The following SLIT2 variants were observed in gnomAD, a reference collection of about 807,000 sequenced individuals.
SLIT2 encodes slit homolog 2 protein.
A neutral mutation model predicts 185.7 loss-of-function variants in SLIT2; 41 were observed. That is an observed-to-expected ratio of 0.22 (90% CI 0.17 to 0.29). The LOEUF (loss-of-function observed/expected upper bound fraction) is 0.29, where lower values mean the gene tolerates loss of function less well. SLIT2 is among the 10% of genes least tolerant of loss of function. The pLI is 1.00. For missense variants in SLIT2, 1,571 were observed against 1,909.0 expected (o/e 0.82, Z 3.30); for synonymous variants, 693 against 680.2 (o/e 1.02, Z -0.29).
At chr4:20,260,927 C>T (rs954885627) in intron 3 of SLIT2, among the ~76,000 whole-genome samples, 1 of 130,066 alleles carries the variant, frequency 7.7e-6, no homozygotes, top group Non-Finnish European at 1.5e-5. Context: ...TCTTCCTTAC[C>T]TCTCTAACTA....
At chr4:20,382,734 A>G (rs954216764) in intron 4 of SLIT2, among the ~76,000 whole-genome samples, 6 of 152,292 alleles carry the variant, frequency 3.9e-5, no homozygotes, top group Admixed American at 6.5e-5. Flanking sequence ...CAAGTGATCT[A>G]TTGATTCAAT....
At chr4:20,264,342 T>C (rs1311944188) in intron 3 of SLIT2, among the ~76,000 whole-genome samples, 1 of 151,786 alleles carries the variant, frequency 6.6e-6, no homozygotes, top group African/African-American at 2.4e-5. Flanking sequence ...AGGTTAGAAA[T>C]GGTAGGCTTT....
chr4:20,310,348 A>G (rs17608777), intron 4 of SLIT2, among the ~76,000 whole-genome samples: 28,636 of 152,154 alleles, frequency 0.19, 3,402 homozygotes, highest in Middle Eastern at 0.31. Context: ...AAAAACAATT[A>G]TCTTTCTCTA....
intron 26 of SLIT2, among the ~76,000 whole-genome samples, chr4:20,560,653 C>T (rs1724619135): frequency 6.6e-6 from 1 of 151,854 alleles, no homozygotes; most frequent in Non-Finnish European, 1.5e-5. Flanking sequence ...CCCTTTATTT[C>T]TCTTGGTTCA....
chr4:20,419,020 C>T (rs1443229157), intron 4 of SLIT2, among the ~76,000 whole-genome samples: 1 of 152,168 alleles, frequency 6.6e-6, no homozygotes, highest in Non-Finnish European at 1.5e-5. Flanking sequence ...ACCATTTTCT[C>T]TATTTTCATA....
intron 4 of SLIT2, among the ~76,000 whole-genome samples, chr4:20,270,177 C>G (rs1451932769): frequency 6.6e-6 from 1 of 151,864 alleles, no homozygotes; most frequent in Admixed American, 6.6e-5. Flanking sequence ...TATAGGTATG[C>G]ATATCAGTAG....
At chr4:20,288,531 A>T (rs1039975957) in intron 4 of SLIT2, among the ~76,000 whole-genome samples, 5 of 152,216 alleles carry the variant, frequency 3.3e-5, no homozygotes, top group African/African-American at 1.2e-4. Context: ...TTTTTCTAGT[A>T]AATCAGCTTA....
chr4:20,270,029 T>G (rs549427617), intron 4 of SLIT2, among the ~76,000 whole-genome samples: 1 of 152,000 alleles, frequency 6.6e-6, no homozygotes, highest in Non-Finnish European at 1.5e-5. Context: ...TTCTTTTTTG[T>G]GTTCCCTGCT....
chr4:20,496,158 G>A (rs1319902884), intron 9 of SLIT2, among the ~76,000 whole-genome samples: 1 of 152,104 alleles, frequency 6.6e-6, no homozygotes, highest in Non-Finnish European at 1.5e-5. Context: ...GAAAGTATAT[G>A]TATGCCATAT....
chr4:20,586,039 T>A (rs2148942554), intron 29 of SLIT2, among the ~76,000 whole-genome samples: 1 of 152,306 alleles, frequency 6.6e-6, no homozygotes, highest in African/African-American at 2.4e-5. Flanking sequence ...CTCTTACTGG[T>A]TGAGAAGTAG....
intron 4 of SLIT2, among the ~76,000 whole-genome samples, chr4:20,466,865 C>T (rs1577711068): frequency 6.6e-6 from 1 of 152,106 alleles, no homozygotes; most frequent in East Asian, 1.9e-4. Flanking sequence ...TTTGCTATTT[C>T]AACTCTACTA....
At chr4:20,448,607 C>A (rs2148710543) in intron 4 of SLIT2, among the ~76,000 whole-genome samples, 1 of 152,202 alleles carries the variant, frequency 6.6e-6, no homozygotes, top group Middle Eastern at 3.4e-3. Context: ...AGGCATGAGC[C>A]ACTGCAGCTG....
At chr4:20,309,676 A>G (rs990338855) in intron 4 of SLIT2, among the ~76,000 whole-genome samples, 1 of 151,764 alleles carries the variant, frequency 6.6e-6, no homozygotes, top group Non-Finnish European at 1.5e-5. Flanking sequence ...TTAAAAATCT[A>G]CTGTGATAAC....
chr4:20,332,205 T>TAC (rs1378782476), intron 4 of SLIT2, among the ~76,000 whole-genome samples: 1 of 152,126 alleles, frequency 6.6e-6, no homozygotes, highest in Non-Finnish European at 1.5e-5. Flanking sequence ...TACACACACA[T>TAC]ACACACACAC....
intron 4 of SLIT2, among the ~76,000 whole-genome samples, chr4:20,426,249 C>T (rs1324979980): frequency 3.3e-5 from 5 of 152,146 alleles, no homozygotes; most frequent in Non-Finnish European, 5.9e-5. Context: ...GGACTGCTGG[C>T]AGATGAGCAC....
chr4:20,339,090 CAAAAA>C (rs398051113), intron 4 of SLIT2, among the ~76,000 whole-genome samples: 1 of 70,750 alleles, frequency 1.4e-5, no homozygotes, highest in Non-Finnish European at 2.5e-5. Flanking sequence ...GAGACACTCT[CAAAAA>C]AAAAAAAAAA....
chr4:20,587,085 C>T (rs915756000), intron 29 of SLIT2, among the ~76,000 whole-genome samples: 1 of 151,204 alleles, frequency 6.6e-6, no homozygotes, highest in Admixed American at 6.6e-5. Flanking sequence ...GTGGCACAAT[C>T]TCGGCTCATG....
At chr4:20,589,821 T>G in intron 30 of SLIT2, 84 bp downstream of exon 30, 2 of 853,058 alleles carry the variant, frequency 2.3e-6, no homozygotes, top group South Asian at 1.4e-5. Flanking sequence ...CATCCTTAGC[T>G]TCACACCTCT....
Position 20,529,060 on chromosome 4 carries a change from A to G in SLIT2, c.1574A>G (p.Asn525Ser), listed in dbSNP as rs777269888. 3.1e-6 allele frequency: 5 copies of G among 1,613,970 alleles called. No homozygotes were observed. The South Asian group carries it at 5.5e-5, about 18-fold the overall frequency. The change falls in exon 16 of 37, where the codon AAC becomes AGC. Residue 525 changes from asparagine to serine, a missense_variant. By Grantham distance (46) the Asn-to-Ser change is conservative. Coordinates refer to ENST00000504154, the MANE Select transcript of SLIT2 (RefSeq NM_004787.4). ...TTVDCSNQKL[N>S]KIPEHIPQYT... ...GTAGATTGCTCTAATCAAAAGCTCAACAAAATCCCGGAGCACATTCCCCAG... is the reference window on the plus strand; with the variant it reads ...GTAGATTGCTCTAATCAAAAGCTCAGCAAAATCCCGGAGCACATTCCCCAG...
Sources: allele counts gnomAD v4.1 joint callset (sites outside exome capture counted in the v4.1 genomes callset), GRCh38; gene constraint gnomAD v4.1.1; transcripts MANE v1.5; gene names NCBI Gene and HGNC (gene_info 2026-07-23, HGNC 2026-07-21).